The following TAF4B variants were observed in gnomAD, a reference collection of about 807,000 sequenced individuals.
TAF4B encodes the protein TATA-box binding protein associated factor 4b, also known as transcription initiation factor TFIID subunit 4B.
TAF4B carries 38 observed loss-of-function variants against 86.4 expected under a neutral mutation model. That is an observed-to-expected ratio of 0.44 (90% CI 0.34 to 0.58). The LOEUF (loss-of-function observed/expected upper bound fraction) is 0.58. Among genes scored for constraint, TAF4B ranks in the 20% least tolerant of loss-of-function variants. The pLI is 0.02. For missense variants in TAF4B, 988 were observed against 1,027.6 expected, an observed-to-expected ratio of 0.96 and a Z score of 0.53; for synonymous variants, 388 against 391.2, an observed-to-expected ratio of 0.99 and a Z score of 0.10.
chr18:26,248,687 G>A (rs1235488816), intron 1 of TAF4B, among the ~76,000 whole-genome samples: 1 of 49,186 alleles, frequency 2.0e-5, no homozygotes, highest in African/African-American at 8.4e-5. Context: ...ACTATGCCCA[G>A]CTAATTTTTT....
At position 26,322,729 on chromosome 18, in the gene TAF4B, G is replaced by T. The variant is rs576945999; in HGVS notation, c.2133+1529G>T. 2.0e-5 allele frequency among the ~76,000 whole-genome samples: 3 copies of T among 151,764 alleles called. No homozygotes were observed. The East Asian group carries it at 5.8e-4, about 29-fold the overall frequency. On this transcript the variant is annotated intron_variant, in intron 11 of 14. Coordinates refer to ENST00000269142, the MANE Select transcript of TAF4B (RefSeq NM_005640.3). ...ATTAATTTTCTGTTTTTCTATTTTT[G>T]ATTTCGTGTATCTCCACTCTAGTTT... is the stretch of plus-strand genomic sequence containing the variant.
At chr18:26,317,598 C>T (rs889169099) in intron 10 of TAF4B, among the ~76,000 whole-genome samples, 10 of 152,112 alleles carry the variant, frequency 6.6e-5, no homozygotes, top group Admixed American at 6.5e-4. Context: ...TAACAAAATA[C>T]CATAAATTGG....
At chr18:26,273,186 T>A (rs578225270) in intron 3 of TAF4B, among the ~76,000 whole-genome samples, 173 of 152,328 alleles carry the variant, frequency 1.1e-3, no homozygotes, top group African/African-American at 3.8e-3. Context: ...GGAAAATATC[T>A]GAGCCTGGAG....
At chr18:26,298,944 C>T (rs1210413832) in intron 9 of TAF4B, among the ~76,000 whole-genome samples, 1 of 144,356 alleles carries the variant, frequency 6.9e-6, no homozygotes, top group Non-Finnish European at 1.5e-5. Flanking sequence ...TCACCGCAAC[C>T]TCTGCCTCCC....
At chr18:26,280,659 G>T (rs1307421222) in intron 5 of TAF4B, among the ~76,000 whole-genome samples, 1 of 152,162 alleles carries the variant, frequency 6.6e-6, no homozygotes, top group Non-Finnish European at 1.5e-5. Context: ...ACAGATGCTG[G>T]TGGGGCTGCA....
intron 14 of TAF4B, among the ~76,000 whole-genome samples, chr18:26,368,741 A>G (rs1399817670): frequency 6.6e-6 from 1 of 151,824 alleles, no homozygotes; most frequent in African/African-American, 2.4e-5. Context: ...TGTTTTGTTC[A>G]CACTTCATGA....
chr18:26,250,236 G>A (rs1199661044), intron 1 of TAF4B, among the ~76,000 whole-genome samples: 4 of 152,092 alleles, frequency 2.6e-5, no homozygotes, highest in African/African-American at 9.7e-5. Flanking sequence ...GGTGGCTCAC[G>A]CCTCCTATCC....
chr18:26,259,352 G>A (rs529060752), intron 1 of TAF4B, among the ~76,000 whole-genome samples: 2 of 151,698 alleles, frequency 1.3e-5, no homozygotes, highest in South Asian at 4.2e-4. Flanking sequence ...TGTTACATAT[G>A]TATACATGTG....
At chr18:26,357,124 T>C (rs577057010) in intron 13 of TAF4B, among the ~76,000 whole-genome samples, 185 of 152,294 alleles carry the variant, frequency 1.2e-3, no homozygotes, top group African/African-American at 4.1e-3. Context: ...CTGCTTACTA[T>C]TTGTGTGGTG....
intron 14 of TAF4B, among the ~76,000 whole-genome samples, chr18:26,366,558 C>T (rs1226105845): frequency 6.6e-6 from 1 of 152,158 alleles, no homozygotes; most frequent in Non-Finnish European, 1.5e-5. Context: ...GATAGTACTG[C>T]TTAAAGCAAG....
intron 1 of TAF4B, among the ~76,000 whole-genome samples, chr18:26,231,034 C>CTTTTTTTTTGTTTTTTTT (rs2055658207): frequency 1.5e-5 from 1 of 66,162 alleles, no homozygotes; most frequent in Admixed American, 2.0e-4. Context: ...TGTTGTTTTG[C>CTTTTTTTTTGTTTTTTTT]TTTTTTTTTT....
chr18:26,339,468 G>A (rs2057119613), intron 13 of TAF4B, among the ~76,000 whole-genome samples: 1 of 152,124 alleles, frequency 6.6e-6, no homozygotes, highest in Non-Finnish European at 1.5e-5. Context: ...TGGGACCACA[G>A]GCACATGCCA....
At chr18:26,274,529 T>C (rs2056359161) in intron 3 of TAF4B, 134 bp from the exon 4 acceptor site, 1 of 905,570 alleles carries the variant, frequency 1.1e-6, no homozygotes. Context: ...AACTGTATTA[T>C]ATTGCCTTAG....
chr18:26,297,166 C>T (rs2056674256), intron 9 of TAF4B, among the ~76,000 whole-genome samples: 1 of 150,974 alleles, frequency 6.6e-6, no homozygotes, highest in South Asian at 2.1e-4. Flanking sequence ...AAGTGAATCT[C>T]TAAATTTAAC....
chr18:26,238,596 T>C (rs1316914791), intron 1 of TAF4B, among the ~76,000 whole-genome samples: 1 of 152,164 alleles, frequency 6.6e-6, no homozygotes, highest in Non-Finnish European at 1.5e-5. Flanking sequence ...ATACCTTTTT[T>C]TTTTAAATTA....
At chr18:26,266,516 C>T (rs1349223070) in intron 2 of TAF4B, among the ~76,000 whole-genome samples, 1 of 152,124 alleles carries the variant, frequency 6.6e-6, no homozygotes, top group Non-Finnish European at 1.5e-5. Flanking sequence ...ATTTTACATC[C>T]ATGGTGATCT....
At chr18:26,281,903 A>G (rs1161165286) in intron 5 of TAF4B, 68 bp from the exon 6 acceptor site, 1 of 1,208,582 alleles carries the variant, frequency 8.3e-7, no homozygotes, top group East Asian at 2.4e-5. Flanking sequence ...ACAATCATGA[A>G]TTATATACTT....
At chr18:26,354,474 C>T (rs2057270427) in intron 13 of TAF4B, among the ~76,000 whole-genome samples, 1 of 152,196 alleles carries the variant, frequency 6.6e-6, no homozygotes, top group African/African-American at 2.4e-5. Context: ...GCCTTATCAT[C>T]AGATGTTGGA....
At chr18:26,259,121 C>G (rs1394153972) in intron 1 of TAF4B, among the ~76,000 whole-genome samples, 2 of 150,696 alleles carry the variant, frequency 1.3e-5, no homozygotes, top group Non-Finnish European at 2.9e-5. Context: ...ACTTTGATGT[C>G]TGGATTATTT....
Sources: gnomAD v4.1 joint callset for allele counts (sites outside exome capture counted in the v4.1 genomes callset) on GRCh38, gnomAD v4.1.1 for gene constraint, MANE v1.5 for transcripts, NCBI Gene and HGNC (gene_info 2026-07-23, HGNC 2026-07-21) for gene names.